Variants in ZFYVE1 observed in about 807,000 individuals in gnomAD.
The protein encoded by ZFYVE1 is zinc finger FYVE domain-containing protein 1.
In ZFYVE1, 30 loss-of-function variants were observed where a neutral mutation model predicts 74.4. That is an observed-to-expected ratio of 0.40 (90% CI 0.30 to 0.55). The LOEUF is 0.55. ZFYVE1 is among the 20% of genes least tolerant of loss of function. ZFYVE1 has a pLI of 0.42. For synonymous variants in ZFYVE1, 335 were observed against 385.1 expected (o/e 0.87, Z 1.52); for missense variants, 703 against 1,011.6 (o/e 0.69, Z 4.14).
intron 8 of ZFYVE1, among the ~76,000 whole-genome samples, chr14:72,976,345 AC>A (rs1174100085): frequency 1.3e-5 from 2 of 152,024 alleles, no homozygotes; most frequent in Admixed American, 6.6e-5. Flanking sequence ...CTATCTTACC[AC>A]CTTTACTTTC....
At chr14:73,012,608 G>A (rs969593844) in intron 2 of ZFYVE1, among the ~76,000 whole-genome samples, 2 of 151,934 alleles carry the variant, frequency 1.3e-5, no homozygotes, top group African/African-American at 4.8e-5. Flanking sequence ...GGCAACAGAG[G>A]GAGATTTCGT....
At position 73,023,359 on chromosome 14, in the gene ZFYVE1, A is replaced by T. The variant is rs1367600361; in HGVS notation, c.483+667T>A. On this transcript the variant is annotated intron_variant, in intron 2 of 11. Transcript: ENST00000556143. ...ATATGTTTTATATATAATATATATT[A>T]TATATGTTTTATATATAATATATAT... Among the ~76,000 whole-genome samples, 14 of 54,924 alleles carry T rather than the reference A, an allele frequency of 2.5e-4. 1 individual carries two copies. In the East Asian group the frequency reaches 3.7e-3, roughly 15 times the overall value. 36.0% of individuals were successfully genotyped at this position (54,924 alleles called of 152,430 possible).
intron 2 of ZFYVE1, among the ~76,000 whole-genome samples, chr14:73,005,977 A>T (rs1162965775): frequency 6.6e-6 from 1 of 151,614 alleles, no homozygotes; most frequent in Non-Finnish European, 1.5e-5. Flanking sequence ...GCTGGAGTGC[A>T]GTGGCACGAT....
Position 72,975,861 on chromosome 14 carries a change from C to T in ZFYVE1, c.1636-140G>A, listed in dbSNP as rs915700598. ...CCTGGCAGGGAAGAACGGAGACACACCAGGAATCCCTCTGGCTTTATTCTC... is the reference window on the plus strand; with the variant it reads ...CCTGGCAGGGAAGAACGGAGACACATCAGGAATCCCTCTGGCTTTATTCTC... On this transcript the variant is annotated intron_variant, in intron 8 of 11. Coordinates refer to ENST00000556143, the MANE Select transcript of ZFYVE1 (RefSeq NM_021260.4). This position sits in a 1 kb window ranked among gnomAD's most constrained non-coding sequence, Gnocchi z 4.1. 3 of 902,012 alleles carry T rather than the reference C, an allele frequency of 3.3e-6. No homozygotes were observed. 55.9% of individuals were successfully genotyped at this position (902,012 alleles called of 1,614,324 possible).
At chr14:73,015,039 T>C (rs139619429) in intron 2 of ZFYVE1, among the ~76,000 whole-genome samples, 1,746 of 151,834 alleles carry the variant, frequency 0.011, 31 homozygotes, top group African/African-American at 0.04. Context: ...GAGACCAGCC[T>C]GGTCAACATG....
intron 4 of ZFYVE1, among the ~76,000 whole-genome samples, chr14:72,983,196 CT>C (rs34016113): frequency 0.14 from 20,964 of 145,226 alleles, 1,624 homozygotes; most frequent in East Asian, 0.21. Flanking sequence ...CCAATGCAGT[CT>C]TTTTTTTTTT....
intron 2 of ZFYVE1, among the ~76,000 whole-genome samples, chr14:72,999,290 G>A (rs1030075761): frequency 2.0e-5 from 3 of 152,176 alleles, no homozygotes; most frequent in African/African-American, 4.8e-5. Flanking sequence ...AGCTGGGCAT[G>A]GTGGCACATG....
At chr14:73,020,502 A>G (rs1894295900) in intron 2 of ZFYVE1, among the ~76,000 whole-genome samples, 1 of 151,950 alleles carries the variant, frequency 6.6e-6, no homozygotes, top group Non-Finnish European at 1.5e-5. Flanking sequence ...ACAGGTGCAC[A>G]CCACCACACC....
rs201185010 is a variant in ZFYVE1, at chr14:73,003,054, CT to C, written c.484-4740del. Among the ~76,000 whole-genome samples, 28 of 102,946 alleles carry C rather than the reference CT, an allele frequency of 2.7e-4. 1 individual carries two copies. The highest frequency in any genetic ancestry group is 1.1e-3 in the East Asian group (4 of 3,682). 67.5% of individuals were successfully genotyped at this position (102,946 alleles called of 152,430 possible). ...CCGTGCCCAGCCCTTTTTTTCTTTT[CT>C]TTTTTTTTTTTTTTTTTGAGACAGG... is the stretch of plus-strand genomic sequence containing the variant. On this transcript the variant is annotated intron_variant, in intron 2 of 11. Transcript: ENST00000556143.
Position 73,015,289 on chromosome 14 carries a change from GAA to G in ZFYVE1, c.483+8735_483+8736del, listed in dbSNP as rs1276987378. 4.1e-4 allele frequency among the ~76,000 whole-genome samples: 34 copies of G among 82,366 alleles called. 1 individual carries two copies. The highest frequency in any genetic ancestry group is 7.0e-4 in the Admixed American group (5 of 7,172). The allele number at this position is 82,366 out of a possible 152,430, so 54.0% of individuals were successfully genotyped here. A position where few individuals can be genotyped will look rare whatever the true frequency, so the allele number is the denominator to read the frequency against. Reference sequence around the variant, plus strand: ...GGAAGGAAGGAAGGAAGGAAGGAAGGAAGGAAAGAAGGGAGGGAGGGAGGGAG... The same window carrying G: ...GGAAGGAAGGAAGGAAGGAAGGAAGGGGAAAGAAGGGAGGGAGGGAGGGAG... On this transcript the variant is annotated intron_variant, in intron 2 of 11. Transcript: ENST00000556143.
intron 4 of ZFYVE1, among the ~76,000 whole-genome samples, chr14:72,989,452 A>C (rs905062219): frequency 6.6e-6 from 1 of 152,150 alleles, no homozygotes; most frequent in African/African-American, 2.4e-5. Context: ...CTACAGACTG[A>C]GGAGGGGGGA....
chr14:72,981,726 G>T, intron 5 of ZFYVE1, 63 bp downstream of exon 5: 2 of 1,473,986 alleles, frequency 1.4e-6, no homozygotes, highest in Non-Finnish European at 9.5e-7. Context: ...AGTCTAGGAA[G>T]CACCACTCAA....
chr14:72,977,411 G>A (rs979735420), intron 8 of ZFYVE1, among the ~76,000 whole-genome samples: 7 of 150,468 alleles, frequency 4.7e-5, no homozygotes, highest in African/African-American at 4.9e-5. Flanking sequence ...GCGAAACTCC[G>A]TCTCAAAAAA....
intron 4 of ZFYVE1, among the ~76,000 whole-genome samples, chr14:72,983,575 C>T (rs904437226): frequency 6.6e-6 from 1 of 152,018 alleles, no homozygotes; most frequent in African/African-American, 2.4e-5. Flanking sequence ...TGTATATGTG[C>T]CACATTTTCT....
chr14:73,023,324 TATATATTATATATGTTTTATATATA>T (rs1894374783), intron 2 of ZFYVE1, among the ~76,000 whole-genome samples: 4 of 98,074 alleles, frequency 4.1e-5, no homozygotes, highest in African/African-American at 7.7e-5. Context: ...TTATATATAA[TATATATTATATATGTTTTATATATA>T]ATATATATTA....
chr14:72,980,185 T>G (rs1893284085), intron 5 of ZFYVE1, among the ~76,000 whole-genome samples: 1 of 152,208 alleles, frequency 6.6e-6, no homozygotes, highest in African/African-American at 2.4e-5. Context: ...AAGAAGCAGG[T>G]CTTTTTCTCG....
intron 1 of ZFYVE1, among the ~76,000 whole-genome samples, chr14:73,025,283 G>A (rs1157369621): frequency 6.6e-6 from 1 of 151,612 alleles, no homozygotes; most frequent in Non-Finnish European, 1.5e-5. Flanking sequence ...TGGCCAGGCT[G>A]GTCTTGAACT....
chr14:72,979,225 C>A (rs943746060), intron 5 of ZFYVE1: 5 of 400,892 alleles, frequency 1.2e-5, no homozygotes, highest in East Asian at 5.0e-5. Flanking sequence ...CTCAGCCGGG[C>A]ACGGTGGCTC....
At position 73,024,468 on chromosome 14, in the gene ZFYVE1, G is replaced by A. The variant is rs749889621; in HGVS notation, c.41C>T (p.Pro14Leu). Reference sequence around the variant, plus strand: ...GTAACTTTCCTGGCACATCAGCCCCGGATTCAGGCCCTTCTCTGCTGGGGA... The same window carrying A: ...GTAACTTTCCTGGCACATCAGCCCCAGATTCAGGCCCTTCTCTGCTGGGGA... ...QTSPAEKGLN[P>L]GLMCQESYAC... Residue 14 changes from proline (P) to leucine (L), a missense_variant, in exon 2 of 12, where the codon CCG (proline) becomes CTG (leucine). This residue lies in a region of ZFYVE1 where 211 missense variants were observed against 221.7 expected (regional missense o/e 0.95). Transcript: ENST00000556143. 25 of 1,612,522 alleles carry A rather than the reference G, an allele frequency of 1.6e-5. No homozygotes were observed. Among genetic ancestry groups the A allele is most frequent in the African/African-American group, 8.0e-5 (6 of 74,882 alleles).
Sources: gnomAD v4.1 joint callset for allele counts (sites outside exome capture counted in the v4.1 genomes callset) on GRCh38, gnomAD v4.1.1 for gene constraint, gnomAD v4.1.1 regional missense constraint, Gnocchi (gnomAD v3.1) non-coding constraint, MANE v1.5 for transcripts, NCBI Gene and HGNC (gene_info 2026-07-23, HGNC 2026-07-21) for gene names.